The following TMTC2 variants were observed in gnomAD, a reference collection of about 807,000 sequenced individuals.
The protein encoded by TMTC2 is transmembrane O-mannosyltransferase targeting cadherins 2, also known as protein O-mannosyl-transferase TMTC2.
A neutral mutation model predicts 82.4 loss-of-function variants in TMTC2; 43 were observed. That is an observed-to-expected ratio of 0.52 (90% CI 0.41 to 0.67). The LOEUF (loss-of-function observed/expected upper bound fraction) is 0.67, where lower values mean the gene tolerates loss of function less well. Among genes scored for constraint, TMTC2 ranks in the 30% least tolerant of loss-of-function variants. The pLI, the probability that TMTC2 is intolerant of heterozygous loss-of-function variation, is 0.00. For synonymous variants in TMTC2, 408 were observed against 381.9 expected (o/e 1.07, Z -0.80); for missense variants, 919 against 1,012.4 (o/e 0.91, Z 1.25).
intron 11 of TMTC2, among the ~76,000 whole-genome samples, chr12:83,076,917 C>T (rs867615279): frequency 3.9e-5 from 6 of 152,078 alleles, no homozygotes; most frequent in Non-Finnish European, 8.8e-5. Flanking sequence ...GACAAATAAA[C>T]ATTAGGCACA....
chr12:82,997,635 A>T (rs1056097423), intron 8 of TMTC2, among the ~76,000 whole-genome samples: 6 of 151,306 alleles, frequency 4.0e-5, no homozygotes, highest in African/African-American at 1.5e-4. Flanking sequence ...AAATTTAAGA[A>T]TGCCAAGAAG....
intron 1 of TMTC2, among the ~76,000 whole-genome samples, chr12:82,816,576 A>G (rs778523687): frequency 1.3e-5 from 2 of 152,104 alleles, no homozygotes; most frequent in African/African-American, 4.8e-5. Context: ...TGTTTGCTAT[A>G]TCAGACTTCT....
chr12:82,711,213 G>A (rs1040388267), intron 1 of TMTC2, among the ~76,000 whole-genome samples: 1 of 152,174 alleles, frequency 6.6e-6, no homozygotes, highest in Non-Finnish European at 1.5e-5. Flanking sequence ...AGTTGGAAGC[G>A]TAGTAAGGTC....
intron 1 of TMTC2, among the ~76,000 whole-genome samples, chr12:82,793,321 C>A (rs1476477861): frequency 2.7e-5 from 4 of 148,652 alleles, no homozygotes; most frequent in African/African-American, 9.9e-5. Context: ...CCCATTTCAT[C>A]TTTTTCTCAG....
chr12:82,834,025 T>C (rs1869893509), intron 1 of TMTC2, among the ~76,000 whole-genome samples: 1 of 152,220 alleles, frequency 6.6e-6, no homozygotes, highest in Non-Finnish European at 1.5e-5. Context: ...GTGGCATGTG[T>C]GCTGTTGATT....
At chr12:83,022,226 A>G (rs1185876928) in intron 8 of TMTC2, among the ~76,000 whole-genome samples, 1 of 152,046 alleles carries the variant, frequency 6.6e-6, no homozygotes. Flanking sequence ...GATTTGCTCA[A>G]CTGCTGCTGT....
chr12:82,815,188 A>C (rs1380435857), intron 1 of TMTC2, among the ~76,000 whole-genome samples: 1 of 149,876 alleles, frequency 6.7e-6, no homozygotes, highest in East Asian at 1.9e-4. Flanking sequence ...TGGAGACAAG[A>C]GTTTAGCTCT....
chr12:83,074,462 G>C (rs1025803744), intron 11 of TMTC2, among the ~76,000 whole-genome samples: 1 of 152,096 alleles, frequency 6.6e-6, no homozygotes, highest in Non-Finnish European at 1.5e-5. Context: ...ACCATCAAGT[G>C]GGGGCAGGGC....
At chr12:83,015,224 G>A (rs181815298) in intron 8 of TMTC2, among the ~76,000 whole-genome samples, 1 of 152,300 alleles carries the variant, frequency 6.6e-6, no homozygotes, top group East Asian at 1.9e-4. Flanking sequence ...ATACCCCAAT[G>A]TGTACACGAA....
Position 82,967,065 on chromosome 12 carries a change from C to T in TMTC2, c.1948+68C>T, listed in dbSNP as rs1020440207. Reference sequence around the variant, plus strand: ...CTGTGGAGAAACAGGAACCCATGTTCGTGTTTAATGGAATTCTAATAAATC... The same window carrying T: ...CTGTGGAGAAACAGGAACCCATGTTTGTGTTTAATGGAATTCTAATAAATC... On this transcript the variant is annotated intron_variant, in intron 7 of 11. Transcript: ENST00000321196. 20 of 1,222,012 alleles carry T rather than the reference C, an allele frequency of 1.6e-5. No individual in the cohort carries two copies. The African/African-American group carries it at 2.3e-4, about 14-fold the overall frequency. The allele number at this position is 1,222,012 out of a possible 1,614,324, so 75.7% of individuals were successfully genotyped here. A position where few individuals can be genotyped will look rare whatever the true frequency, so the allele number is the denominator to read the frequency against.
intron 11 of TMTC2, among the ~76,000 whole-genome samples, chr12:83,115,239 AAAAC>A (rs753415594): frequency 9.8e-5 from 15 of 152,312 alleles, no homozygotes; most frequent in African/African-American, 1.9e-4. Flanking sequence ...CTTCATGCTA[AAAAC>A]AAACAAAGTG....
intron 8 of TMTC2, among the ~76,000 whole-genome samples, chr12:82,999,348 A>G (rs2137364018): frequency 1.3e-5 from 2 of 152,330 alleles, no homozygotes; most frequent in African/African-American, 4.8e-5. Flanking sequence ...TATCATCCTC[A>G]TGATATCAAG....
At chr12:82,852,440 C>G (rs930346578) in intron 1 of TMTC2, among the ~76,000 whole-genome samples, 5 of 152,120 alleles carry the variant, frequency 3.3e-5, no homozygotes, top group Non-Finnish European at 7.4e-5. Flanking sequence ...AAGACAGTTT[C>G]TCAGTCCTGT....
intron 8 of TMTC2, among the ~76,000 whole-genome samples, chr12:83,019,271 TCTTTC>T: frequency 6.6e-6 from 1 of 152,330 alleles, no homozygotes; most frequent in East Asian, 1.9e-4. Context: ...CTGCTGCTCC[TCTTTC>T]CTTCACAGCC....
chr12:82,886,520 T>A (rs1425951037), intron 2 of TMTC2, among the ~76,000 whole-genome samples: 3 of 152,196 alleles, frequency 2.0e-5, no homozygotes, highest in Non-Finnish European at 4.4e-5. Context: ...ACAAAAGAAC[T>A]CATTATAATC....
At chr12:82,769,895 C>T (rs1352106896) in intron 1 of TMTC2, among the ~76,000 whole-genome samples, 1 of 152,188 alleles carries the variant, frequency 6.6e-6, no homozygotes, top group Non-Finnish European at 1.5e-5. Context: ...CAGGCATGAG[C>T]CACCATACCC....
At chr12:82,703,810 A>G (rs1172956919) in intron 1 of TMTC2, among the ~76,000 whole-genome samples, 2 of 152,170 alleles carry the variant, frequency 1.3e-5, no homozygotes, top group Non-Finnish European at 2.9e-5. Flanking sequence ...TTCAATGAGT[A>G]TCTTTGTGAA....
At chr12:83,060,860 G>A (rs1194894115) in intron 10 of TMTC2, among the ~76,000 whole-genome samples, 1 of 151,806 alleles carries the variant, frequency 6.6e-6, no homozygotes, top group Non-Finnish European at 1.5e-5. Flanking sequence ...GGAATAGGCA[G>A]TGAACAAATC....
chr12:82,852,180 C>G (rs1223169758), intron 1 of TMTC2, among the ~76,000 whole-genome samples: 2 of 150,638 alleles, frequency 1.3e-5, no homozygotes, highest in Admixed American at 1.3e-4. Context: ...CAGCTCAGTG[C>G]AAGCTCCGCC....
Sources: allele counts gnomAD v4.1 joint callset (sites outside exome capture counted in the v4.1 genomes callset), GRCh38; gene constraint gnomAD v4.1.1; transcripts MANE v1.5; gene names NCBI Gene and HGNC (gene_info 2026-07-23, HGNC 2026-07-21).